Variants in HPGDS observed in about 807,000 individuals in gnomAD.
The protein encoded by HPGDS is GST class-sigma.
HPGDS carries 26 observed loss-of-function variants against 23.1 expected under a neutral mutation model. The ratio of observed to expected loss-of-function variants is 1.13; its 90% CI spans 0.83 to 1.56. The LOEUF is 1.56. Ranked by LOEUF, HPGDS falls within the 40% of genes most tolerant of loss-of-function variation. HPGDS has a pLI of 0.00. For missense variants in HPGDS, 268 were observed against 236.4 expected (o/e 1.13, Z -0.88); for synonymous variants, 95 against 77.9 (o/e 1.22, Z -1.16).
At chr4:94,310,630 T>C (rs963179689) in intron 3 of HPGDS, among the ~76,000 whole-genome samples, 1 of 152,130 alleles carries the variant, frequency 6.6e-6, no homozygotes, top group Admixed American at 6.5e-5. Flanking sequence ...TCTTTTTTGG[T>C]TCCATATGAA....
chr4:94,322,175 A>G (rs1250681300), intron 2 of HPGDS, among the ~76,000 whole-genome samples: 1 of 152,042 alleles, frequency 6.6e-6, no homozygotes, highest in African/African-American at 2.4e-5. Context: ...CCAGTATTTT[A>G]TTGAGGATTT....
At chr4:94,340,308 TC>T (rs1560597985) in intron 1 of HPGDS, among the ~76,000 whole-genome samples, 24 of 39,906 alleles carry the variant, frequency 6.0e-4, no homozygotes, top group African/African-American at 1.5e-3. Context: ...TTTCTTTCTT[TC>T]TCTTTTTTTT....
intron 3 of HPGDS, among the ~76,000 whole-genome samples, chr4:94,313,266 G>A (rs150415875): frequency 1.3e-5 from 2 of 152,064 alleles, no homozygotes; most frequent in African/African-American, 2.4e-5. Context: ...GTTTTTGCAG[G>A]GGCTGGTACT....
At position 94,310,307 on chromosome 4, in the gene HPGDS, A is replaced by G. The variant is rs529246106; in HGVS notation, c.227-1564T>C. ...TAATCCATCTTGAATGAATTTTTGT[A>G]TAAGGTGTAAGGAAGGGATCCAGTT... On this transcript the variant is annotated intron_variant, in intron 3 of 5. Transcript: ENST00000295256. Among the ~76,000 whole-genome samples, 12 of 152,308 alleles carry G rather than the reference A, an allele frequency of 7.9e-5. No individual in the cohort carries two copies. The South Asian group carries it at 2.5e-3, about 32-fold the overall frequency.
At chr4:94,302,368 G>T (rs1216985361) in intron 4 of HPGDS, 124 bp from the exon 5 acceptor site, 2 of 654,750 alleles carry the variant, frequency 3.1e-6, no homozygotes, top group Non-Finnish European at 5.3e-6. Context: ...GAAGTAGCTA[G>T]ATTTTTTATT....
chr4:94,335,513 G>A (rs1459765687), intron 1 of HPGDS, among the ~76,000 whole-genome samples: 1 of 152,150 alleles, frequency 6.6e-6, no homozygotes. Context: ...GTTTTCATTT[G>A]AAATTCAATT....
intron 3 of HPGDS, among the ~76,000 whole-genome samples, chr4:94,309,286 A>G (rs1420260253): frequency 7.2e-6 from 1 of 138,900 alleles, no homozygotes; most frequent in African/African-American, 2.7e-5. Context: ...CCACCCCACA[A>G]CAGGCCCCGG....
At chr4:94,327,745 G>T (rs1756661967) in intron 2 of HPGDS, among the ~76,000 whole-genome samples, 1 of 152,124 alleles carries the variant, frequency 6.6e-6, no homozygotes, top group Non-Finnish European at 1.5e-5. Flanking sequence ...CTTCCCCAAG[G>T]TTTGGGACAC....
intron 1 of HPGDS, among the ~76,000 whole-genome samples, chr4:94,340,311 C>CTTTTCTTT (rs1721126934): frequency 4.2e-4 from 10 of 23,678 alleles, no homozygotes; most frequent in East Asian, 2.7e-3. Context: ...CTTTCTTTCT[C>CTTTTCTTT]TTTTTTTTTT....
intron 5 of HPGDS, among the ~76,000 whole-genome samples, chr4:94,301,633 A>G (rs1269688297): frequency 3.9e-5 from 6 of 152,122 alleles, no homozygotes; most frequent in Non-Finnish European, 5.9e-5. Context: ...CCTGGTTCTC[A>G]GTGACATCAA....
chr4:94,333,619 T>C (rs1383945647), intron 2 of HPGDS, among the ~76,000 whole-genome samples: 1 of 152,208 alleles, frequency 6.6e-6, no homozygotes, highest in Admixed American at 6.5e-5. Context: ...ATCCTAACCA[T>C]CATGAACTTT....
At chr4:94,323,292 G>A (rs765040864) in intron 2 of HPGDS, among the ~76,000 whole-genome samples, 1 of 152,202 alleles carries the variant, frequency 6.6e-6, no homozygotes, top group Non-Finnish European at 1.5e-5. Flanking sequence ...CTTGTGCAGA[G>A]CTGGCTTTAA....
At chr4:94,318,775 C>A (rs577645933) in intron 2 of HPGDS, among the ~76,000 whole-genome samples, 1 of 152,008 alleles carries the variant, frequency 6.6e-6, no homozygotes, top group Non-Finnish European at 1.5e-5. Flanking sequence ...TGCAGTGGTG[C>A]GATCTCAGCT....
chr4:94,302,274 A>T (rs763724817), intron 4 of HPGDS, 30 bp from the exon 5 acceptor site: 1 of 1,457,910 alleles, frequency 6.9e-7, no homozygotes, highest in Admixed American at 1.7e-5. Context: ...TCACTTTAAG[A>T]ATAATGAGAA....
At chr4:94,333,615 A>G (rs186367064) in intron 2 of HPGDS, among the ~76,000 whole-genome samples, 231 of 152,340 alleles carry the variant, frequency 1.5e-3, no homozygotes, top group African/African-American at 5.2e-3. Context: ...CTATATCCTA[A>G]CCATCATGAA....
chr4:94,314,497 G>A (rs1200259422), intron 3 of HPGDS, among the ~76,000 whole-genome samples: 2 of 152,182 alleles, frequency 1.3e-5, no homozygotes, highest in Non-Finnish European at 2.9e-5. Flanking sequence ...CGTTGCTCTG[G>A]ACGTTTTGTC....
intron 2 of HPGDS, among the ~76,000 whole-genome samples, chr4:94,333,360 G>C (rs1756765851): frequency 1.3e-5 from 2 of 152,198 alleles, no homozygotes; most frequent in Non-Finnish European, 2.9e-5. Flanking sequence ...CAACTTTCTA[G>C]TAAAAGGAAG....
intron 2 of HPGDS, among the ~76,000 whole-genome samples, chr4:94,333,146 A>G (rs1367064618): frequency 6.6e-6 from 1 of 152,210 alleles, no homozygotes; most frequent in Non-Finnish European, 1.5e-5. Flanking sequence ...AGCACCAGAG[A>G]GCACTGCTAA....
intron 4 of HPGDS, among the ~76,000 whole-genome samples, chr4:94,305,787 A>G (rs1756128254): frequency 6.6e-6 from 1 of 152,082 alleles, no homozygotes; most frequent in South Asian, 2.1e-4. Flanking sequence ...GATGAGGATA[A>G]CAGCAGTTTC....
Sources: allele counts gnomAD v4.1 joint callset (sites outside exome capture counted in the v4.1 genomes callset), GRCh38; gene constraint gnomAD v4.1.1; transcripts MANE v1.5; gene names NCBI Gene and HGNC (gene_info 2026-07-23, HGNC 2026-07-21).